SLC22A12: variants seen among roughly 807,000 people sequenced by gnomAD.
SLC22A12 encodes solute carrier family 22 member 12.
SLC22A12 carries 56 observed loss-of-function variants against 52.7 expected under a neutral mutation model. The ratio of observed to expected loss-of-function variants is 1.06; its 90% CI spans 0.86 to 1.33. The LOEUF is 1.33. Ranked by LOEUF, SLC22A12 falls within the 40% of genes most tolerant of loss-of-function variation. The pLI, the probability that SLC22A12 is intolerant of heterozygous loss-of-function variation, is 0.00. For missense variants in SLC22A12, 683 were observed against 741.5 expected (o/e 0.92, Z 0.92); for synonymous variants, 337 against 324.6 (o/e 1.04, Z -0.41).
At chr11:64,594,074 C>G (rs570042271) in intron 4 of SLC22A12, among the ~76,000 whole-genome samples, 8 of 152,260 alleles carry the variant, frequency 5.3e-5, no homozygotes, top group Admixed American at 5.2e-4. Flanking sequence ...TCCTCCTCAT[C>G]TCTTGGCCTA....
intron 4 of SLC22A12, among the ~76,000 whole-genome samples, chr11:64,595,613 A>AAGG (rs2039148896): frequency 5.1e-5 from 6 of 118,432 alleles, no homozygotes; most frequent in African/African-American, 2.0e-4. Context: ...TGGATGGTTG[A>AAGG]ATGGATGGAT....
intron 9 of SLC22A12, 58 bp downstream of exon 9, chr11:64,600,996 G>C (rs2039438229): frequency 1.9e-6 from 3 of 1,590,302 alleles, no homozygotes; most frequent in African/African-American, 2.7e-5. Context: ...CCTAGCACAG[G>C]GCAGCCTGCT....
intron 4 of SLC22A12, among the ~76,000 whole-genome samples, chr11:64,595,033 T>C (rs1291366308): frequency 1.1e-5 from 1 of 87,926 alleles, no homozygotes; most frequent in African/African-American, 3.9e-5. Context: ...TTGGAATAGA[T>C]GGATGGATGG....
At chr11:64,595,537 GGAATGGAT>G (rs756708125) in intron 4 of SLC22A12, among the ~76,000 whole-genome samples, 1 of 23,702 alleles carries the variant, frequency 4.2e-5, no homozygotes, top group Admixed American at 8.6e-4. Flanking sequence ...ATGGATGGTT[GGAATGGAT>G]GGATGGATGG....
chr11:64,591,861 A>C lies in SLC22A12; in HGVS notation c.305A>C (p.Asn102Thr). Residue 102 changes from asparagine (N) to threonine (T), a missense_variant, in exon 1 of 10, where the codon AAT (asparagine) becomes ACT (threonine). Physicochemically the swap from Asn to Thr is moderately conservative, Grantham distance 65. Coordinates refer to ENST00000377574, the MANE Select transcript of SLC22A12 (RefSeq NM_144585.4). ...CCACAGTGGCAGCTCTTGGACCCCA[A>C]TGCCACGGCCACCAGCTGGAGCGAG... ...RQPQWQLLDP[N>T]ATATSWSEAD... is the part of the protein sequence containing the mutation. 1 of 1,612,576 alleles carries C rather than the reference A, an allele frequency of 6.2e-7. No individual in the cohort carries two copies. Among genetic ancestry groups the C allele is most frequent in the Non-Finnish European group, 8.5e-7 (1 of 1,179,986 alleles).
Position 64,595,237 on chromosome 11 carries a change from GATGGATGGATGGATGGA to G in SLC22A12, c.830+1452_830+1468del, listed in dbSNP as rs1419168298. Among the ~76,000 whole-genome samples, 4 of 134,286 alleles carry G rather than the reference GATGGATGGATGGATGGA, an allele frequency of 3.0e-5. 1 individual carries two copies. Among genetic ancestry groups the G allele is most frequent in the African/African-American group, 1.1e-4 (4 of 35,026 alleles). The allele number at this position is 134,286 out of a possible 152,430, so 88.1% of individuals were successfully genotyped here. On this transcript the variant is annotated intron_variant, in intron 4 of 9. Transcript: ENST00000377574. ...AGATGGATGGATGGATGGATGGATGGATGGATGGATGGATGGAATGGATGGATGGATGGATGGATGGT... is the reference window on the plus strand; with the variant it reads ...AGATGGATGGATGGATGGATGGATGGATGGATGGATGGATGGATGGATGGT...
Position 64,601,712 on chromosome 11 carries a change from CCT to C in SLC22A12, c.*165_*166del, listed in dbSNP as rs139299506. On this transcript the variant is annotated 3_prime_UTR_variant, in exon 10 of 10. Transcript: ENST00000377574. ...GCTGCCCCTCCAGGTGAGCCCTGCC[CCT>C]CTCACAGTCCAAGGGGCCCCCTTCA... is the stretch of plus-strand genomic sequence containing the variant. 175 of 754,060 alleles carry C rather than the reference CCT, an allele frequency of 2.3e-4. 2 individuals are homozygous for C. In the East Asian group the frequency reaches 4.7e-3, roughly 20 times the overall value. 46.7% of individuals were successfully genotyped at this position (754,060 alleles called of 1,614,324 possible).
chr11:64,591,737 G>A lies in SLC22A12; in HGVS notation c.181G>A (p.Ala61Thr). Residue 61 changes from alanine to threonine, a missense_variant, in exon 1 of 10, where the codon GCC becomes ACC. Ala to Thr is a moderately conservative substitution (Grantham distance 58, BLOSUM62 0). Transcript: ENST00000377574. Reference sequence around the variant, plus strand: ...CCTCCTGGACAACAGCACGGCTCAGGCCAGCATCCTAGGGAGCTTGAGTCC... The same window carrying A: ...CCTCCTGGACAACAGCACGGCTCAGACCAGCATCCTAGGGAGCTTGAGTCC... ...APLLDNSTAQASILGSLSPEA... is the reference protein window; with the variant it reads ...APLLDNSTAQTSILGSLSPEA... 6.2e-7 allele frequency: 1 copy of A among 1,612,782 alleles called. No homozygotes were observed. Among genetic ancestry groups the A allele is most frequent in the Non-Finnish European group, 8.5e-7 (1 of 1,180,012 alleles).
At chr11:64,599,930 T>TG (rs754267579) in intron 7 of SLC22A12, 40 bp downstream of exon 7, 87 of 1,590,534 alleles carry the variant, frequency 5.5e-5, no homozygotes, top group East Asian at 3.4e-4. Context: ...TTCCCTACCT[T>TG]GGGGGGGTCT....
At chr11:64,599,634 C>G in intron 6 of SLC22A12, 42 bp from the exon 7 acceptor site, 1 of 233,550 alleles carries the variant, frequency 4.3e-6, no homozygotes, top group Non-Finnish European at 8.1e-6. Flanking sequence ...CACCCCCCCC[C>G]ACCCCCCACC....
At position 64,593,346 on chromosome 11, in the gene SLC22A12, C is replaced by A. The variant is rs2038981997; in HGVS notation, c.507-59C>A. ...AGGGTGGGCTCTAGGTGTTCCAGAG[C>A]CCCGTGGCCTGTGCCGTGGCAAGCC... On this transcript the variant is annotated intron_variant, in intron 2 of 9. Coordinates refer to ENST00000377574, the MANE Select transcript of SLC22A12 (RefSeq NM_144585.4). The A allele has an allele frequency of 3.1e-6, 5 of 1,611,948 alleles. No homozygotes were observed. In the African/African-American group the frequency reaches 4.0e-5, roughly 13 times the overall value.
intron 1 of SLC22A12, 72 bp from the exon 2 acceptor site, chr11:64,592,707 C>G: frequency 1.6e-6 from 2 of 1,283,662 alleles, no homozygotes; most frequent in Non-Finnish European, 2.3e-6. Context: ...GGGGGCCCTC[C>G]CATGCGGTTC....
At chr11:64,594,158 TG>T (rs1439267510) in intron 4 of SLC22A12, among the ~76,000 whole-genome samples, 1 of 152,244 alleles carries the variant, frequency 6.6e-6, no homozygotes, top group Non-Finnish European at 1.5e-5. Flanking sequence ...CCTCTGTGTG[TG>T]CCAGGCATGG....
chr11:64,596,105 G>A (rs1050470951), intron 4 of SLC22A12, among the ~76,000 whole-genome samples: 4 of 151,654 alleles, frequency 2.6e-5, no homozygotes, highest in African/African-American at 9.7e-5. Flanking sequence ...TGGATGGATG[G>A]AATGGATGGA....
intron 4 of SLC22A12, among the ~76,000 whole-genome samples, chr11:64,596,981 G>A (rs186458101): frequency 7.6e-4 from 116 of 152,244 alleles, no homozygotes; most frequent in African/African-American, 2.3e-3. Context: ...TGTGCCAGGC[G>A]CTGGCTGACA....
chr11:64,601,066 C>T, intron 9 of SLC22A12, 128 bp downstream of exon 9: 1 of 1,205,484 alleles, frequency 8.3e-7, no homozygotes, highest in Non-Finnish European at 1.2e-6. Flanking sequence ...AGGATTGGCC[C>T]AGAGTCACAC....
intron 7 of SLC22A12, 101 bp downstream of exon 7, chr11:64,599,991 C>T (rs1157040767): frequency 7.0e-7 from 1 of 1,426,638 alleles, no homozygotes; most frequent in East Asian, 2.5e-5. Context: ...GAGCAGGTAC[C>T]CTGGTAGGAA....
At position 64,600,886 on chromosome 11, in the gene SLC22A12, C is replaced by G; in HGVS notation, c.1546C>G (p.Pro516Ala). The G allele has an allele frequency of 6.2e-7, 1 of 1,609,668 alleles. No individual in the cohort carries two copies. The highest frequency in any genetic ancestry group is 8.5e-7 in the Non-Finnish European group (1 of 1,179,984). The change falls in exon 9 of 10, where the codon CCC becomes GCC. Residue 516 changes from proline (P) to alanine (A), a missense_variant. Transcript: ENST00000377574. Reference protein sequence around the residue: ...VLSGLAALLLPETQSLPLPDT... With the variant: ...VLSGLAALLLAETQSLPLPDT... ...GAGTGGCCTGGCCGCACTGCTTCTGCCCGAGACCCAGAGCTTGCCGCTGCC... is the reference window on the plus strand; with the variant it reads ...GAGTGGCCTGGCCGCACTGCTTCTGGCCGAGACCCAGAGCTTGCCGCTGCC...
At chr11:64,592,231 C>T (rs2038942092) in intron 1 of SLC22A12, among the ~76,000 whole-genome samples, 1 of 152,224 alleles carries the variant, frequency 6.6e-6, no homozygotes, top group African/African-American at 2.4e-5. Flanking sequence ...CGGCCTCACC[C>T]TGTCCTGGCC....
Sources: allele counts gnomAD v4.1 joint callset (sites outside exome capture counted in the v4.1 genomes callset), GRCh38; gene constraint gnomAD v4.1.1; transcripts MANE v1.5; gene names NCBI Gene and HGNC (gene_info 2026-07-23, HGNC 2026-07-21).